Variants in RANBP17 observed in about 807,000 individuals in gnomAD.
RANBP17 encodes the protein RAN binding protein 17, also known as ran-binding protein 17.
Under a neutral mutation model 141.2 loss-of-function variants are expected in RANBP17, and 158 were observed. The ratio of observed to expected loss-of-function variants is 1.12; its 90% CI spans 0.98 to 1.28. RANBP17 has a LOEUF of 1.28. RANBP17 is among the 50% of genes most tolerant of loss of function. The pLI is 0.00. For missense variants in RANBP17, 1,438 were observed against 1,290.7 expected (o/e 1.11, Z -1.75); for synonymous variants, 430 against 450.0 (o/e 0.96, Z 0.56).
chr5:170,865,265 G>T (rs558675271), intron 1 of RANBP17, among the ~76,000 whole-genome samples: 1 of 152,084 alleles, frequency 6.6e-6, no homozygotes, highest in Non-Finnish European at 1.5e-5. Flanking sequence ...GTTTCTCCAT[G>T]TTGGCCAGGC....
intron 14 of RANBP17, among the ~76,000 whole-genome samples, chr5:170,993,966 T>C (rs1238551939): frequency 6.6e-6 from 1 of 152,102 alleles, no homozygotes; most frequent in Non-Finnish European, 1.5e-5. Context: ...TTATAATGCA[T>C]ATTGGCATGT....
chr5:170,976,284 A>G (rs530431423), intron 14 of RANBP17, among the ~76,000 whole-genome samples: 1 of 152,198 alleles, frequency 6.6e-6, no homozygotes, highest in Non-Finnish European at 1.5e-5. Flanking sequence ...ATTTAACAAA[A>G]GTGTAAAACT....
chr5:171,172,991 G>C (rs767543481), intron 16 of RANBP17, among the ~76,000 whole-genome samples: 1 of 151,602 alleles, frequency 6.6e-6, no homozygotes, highest in Non-Finnish European at 1.5e-5. Flanking sequence ...TTAAGCCAGG[G>C]GATAGGAATG....
Position 170,912,572 on chromosome 5 carries a change from T to C in RANBP17, c.760+1438T>C, listed in dbSNP as rs1581128678. 2.0e-5 allele frequency among the ~76,000 whole-genome samples: 3 copies of C among 152,044 alleles called. No individual in the cohort carries two copies. The South Asian group carries it at 6.2e-4, about 31-fold the overall frequency. ...GCATCCCTGAAACAAGGACAGGATA[T>C]TGTTCAGAGAATGTTCCAAATTTAC... On this transcript the variant is annotated intron_variant, in intron 7 of 27. Transcript: ENST00000523189.
intron 7 of RANBP17, among the ~76,000 whole-genome samples, chr5:170,911,675 A>G (rs1771537461): frequency 6.6e-6 from 1 of 151,992 alleles, no homozygotes; most frequent in Admixed American, 6.6e-5. Flanking sequence ...AAGGGTCATC[A>G]TGAGAAAGAA....
intron 12 of RANBP17, among the ~76,000 whole-genome samples, chr5:170,935,391 T>C (rs1773781525): frequency 1.3e-5 from 2 of 152,222 alleles, no homozygotes; most frequent in African/African-American, 4.8e-5. Flanking sequence ...GACCCTCTGA[T>C]TTTTAGAATT....
intron 14 of RANBP17, among the ~76,000 whole-genome samples, chr5:171,061,154 T>C (rs920733839): frequency 1.6e-4 from 24 of 152,156 alleles, no homozygotes; most frequent in African/African-American, 5.8e-4. Flanking sequence ...TTTGTGTCTC[T>C]GTTTCCTTCA....
Position 171,213,662 on chromosome 5 carries a change from G to C in RANBP17, c.2263G>C (p.Ala755Pro), listed in dbSNP as rs533318723. 3 of 1,613,758 alleles carry C rather than the reference G, an allele frequency of 1.9e-6. No individual in the cohort carries two copies. Among genetic ancestry groups the C allele is most frequent in the African/African-American group, 2.7e-5 (2 of 75,006 alleles). The change falls in exon 21 of 28, where the codon GCT (alanine) becomes CCT (proline). Residue 755 changes from alanine to proline, a missense_variant. Transcript: ENST00000523189. Reference sequence around the variant, plus strand: ...AACGTACCTTCCCCTTCTTCAGAATGCTGTTGAACGGTGGTATGGAGAGCC... The same window carrying C: ...AACGTACCTTCCCCTTCTTCAGAATCCTGTTGAACGGTGGTATGGAGAGCC... Reference protein sequence around the residue: ...YPTYLPLLQNAVERWYGEPTC... With the variant: ...YPTYLPLLQNPVERWYGEPTC...
At chr5:171,154,098 GT>G (rs70982325) in intron 14 of RANBP17, among the ~76,000 whole-genome samples, 80,153 of 130,216 alleles carry the variant, frequency 0.62, 24,260 homozygotes, top group South Asian at 0.78. Context: ...GTTCACTTTA[GT>G]TTTTTTTTTT....
intron 14 of RANBP17, among the ~76,000 whole-genome samples, chr5:170,975,981 A>G: frequency 8.7e-6 from 1 of 114,552 alleles, no homozygotes; most frequent in East Asian, 3.1e-4. Context: ...ATTGAGATAA[A>G]TAGGCAAAAA....
rs1048701708 is a variant in RANBP17, at chr5:170,911,062, T to C, written c.688T>C (p.Phe230Leu). The change falls in exon 7 of 28, where the codon TTC becomes CTC. Residue 230 changes from phenylalanine (F) to leucine (L), a missense_variant. Physicochemically the swap from Phe to Leu is conservative, Grantham distance 22. Coordinates refer to ENST00000523189, the MANE Select transcript of RANBP17 (RefSeq NM_022897.5). ...KLVLNCLNFDFIGSSADESAD... is the reference protein window; with the variant it reads ...KLVLNCLNFDLIGSSADESAD... ...GGTCCTTAACTGCCTTAACTTTGAC[T>C]TCATTGGCAGTTCAGCAGATGAATC... 3.7e-6 allele frequency: 6 copies of C among 1,612,120 alleles called. No individual in the cohort carries two copies. Among genetic ancestry groups the C allele is most frequent in the Non-Finnish European group, 5.1e-6 (6 of 1,178,672 alleles).
At chr5:171,036,482 T>A (rs1310878812) in intron 14 of RANBP17, among the ~76,000 whole-genome samples, 1 of 152,146 alleles carries the variant, frequency 6.6e-6, no homozygotes, top group African/African-American at 2.4e-5. Flanking sequence ...ATGTCAGGGG[T>A]ACATATGCAG....
At chr5:171,040,004 T>C (rs1439220342) in intron 14 of RANBP17, among the ~76,000 whole-genome samples, 3 of 151,796 alleles carry the variant, frequency 2.0e-5, no homozygotes, top group African/African-American at 4.8e-5. Flanking sequence ...GAGGAAGTGC[T>C]CCTCCCTAAC....
At chr5:171,209,288 G>A (rs1762744546) in intron 20 of RANBP17, among the ~76,000 whole-genome samples, 1 of 152,162 alleles carries the variant, frequency 6.6e-6, no homozygotes, top group Non-Finnish European at 1.5e-5. Flanking sequence ...TTTCATGGTT[G>A]GAAATGTAGT....
At chr5:171,192,646 A>G (rs185875328) in intron 18 of RANBP17, among the ~76,000 whole-genome samples, 1 of 152,368 alleles carries the variant, frequency 6.6e-6, no homozygotes, top group Non-Finnish European at 1.5e-5. Context: ...AATTCCTATC[A>G]CAAAGCAAGT....
Position 170,862,042 on chromosome 5 carries a change from G to T in RANBP17, c.9G>T (p.Leu3=). ...CGCCGCCTCCTGGGAAGATGGCGCT[G>T]CACTTCCAGGTCAGTGTGCTCTGCG... MA[L]HFQSLAELEV... The change falls in exon 1 of 28, where the codon CTG becomes CTT. Residue 3 remains leucine, a synonymous_variant. Transcript: ENST00000523189. 6.8e-7 allele frequency: 1 copy of T among 1,463,340 alleles called. No homozygotes were observed. Among genetic ancestry groups the T allele is most frequent in the Non-Finnish European group, 9.0e-7 (1 of 1,114,698 alleles). The allele number at this position is 1,463,340 out of a possible 1,614,324, so 90.6% of individuals were successfully genotyped here. A position where few individuals can be genotyped will look rare whatever the true frequency, so the allele number is the denominator to read the frequency against.
intron 13 of RANBP17, among the ~76,000 whole-genome samples, chr5:170,957,277 G>T (rs1775796041): frequency 2.0e-5 from 3 of 152,130 alleles, no homozygotes; most frequent in African/African-American, 4.8e-5. Context: ...AGAGCCTTGG[G>T]TGAAGTTCAT....
At chr5:171,040,172 A>G (rs1288679165) in intron 14 of RANBP17, among the ~76,000 whole-genome samples, 2 of 152,174 alleles carry the variant, frequency 1.3e-5, no homozygotes, top group East Asian at 1.9e-4. Context: ...TTAGTTCACC[A>G]TAATCAAGTA....
intron 22 of RANBP17, among the ~76,000 whole-genome samples, chr5:171,233,342 G>A (rs1194518169): frequency 6.6e-6 from 1 of 152,196 alleles, no homozygotes; most frequent in Non-Finnish European, 1.5e-5. Context: ...AAGACAGTTT[G>A]GCAGCTTCTT....
Sources: gnomAD v4.1 joint callset for allele counts (sites outside exome capture counted in the v4.1 genomes callset) on GRCh38, gnomAD v4.1.1 for gene constraint, MANE v1.5 for transcripts, NCBI Gene and HGNC (gene_info 2026-07-23, HGNC 2026-07-21) for gene names.